PLXDC1: variants seen among roughly 807,000 people sequenced by gnomAD.
PLXDC1 encodes the protein plexin domain containing 1.
PLXDC1 carries 39 observed loss-of-function variants against 61.3 expected under a neutral mutation model. That is an observed-to-expected ratio of 0.64 (90% confidence interval 0.49 to 0.83). The LOEUF is 0.83. PLXDC1 is among the 40% of genes least tolerant of loss of function. PLXDC1 has a pLI of 0.00. For missense variants in PLXDC1, 596 were observed against 666.5 expected, an observed-to-expected ratio of 0.89 and a Z score of 1.17; for synonymous variants, 212 against 254.5, an observed-to-expected ratio of 0.83 and a Z score of 1.59.
At chr17:39,137,053 C>T (rs1474040949) in intron 2 of PLXDC1, among the ~76,000 whole-genome samples, 1 of 152,172 alleles carries the variant, frequency 6.6e-6, no homozygotes, top group East Asian at 1.9e-4. Flanking sequence ...AGTCCCCCAA[C>T]GTCCAGCATG....
rs1022855468 is a variant in PLXDC1 at position 39,132,543 on chromosome 17, C to T, written c.255+7111G>A. 7.2e-5 allele frequency among the ~76,000 whole-genome samples: 11 copies of T among 152,302 alleles called. No individual in the cohort carries two copies. The East Asian group carries it at 1.7e-3, about 24-fold the overall frequency. On this transcript the variant is annotated intron_variant, in intron 2 of 13. Coordinates refer to ENST00000315392, the MANE Select transcript of PLXDC1 (RefSeq NM_020405.5). ...AGGAGATGGTTCTGACCAGGGTCCT[C>T]GGAGCTGCCAGCTCACCCTGGGACT...
At chr17:39,071,645 A>G (rs1909121735) in intron 12 of PLXDC1, among the ~76,000 whole-genome samples, 1 of 152,072 alleles carries the variant, frequency 6.6e-6, no homozygotes, top group African/African-American at 2.4e-5. Flanking sequence ...TTGATGATGA[A>G]GGCTTCTGCT....
At chr17:39,101,117 G>A (rs1321596681) in intron 7 of PLXDC1, among the ~76,000 whole-genome samples, 3 of 152,186 alleles carry the variant, frequency 2.0e-5, no homozygotes, top group Non-Finnish European at 4.4e-5. Context: ...TGCTGTCGCC[G>A]CTTGTGTGCA....
At chr17:39,134,099 T>C (rs1443147206) in intron 2 of PLXDC1, among the ~76,000 whole-genome samples, 1 of 151,476 alleles carries the variant, frequency 6.6e-6, no homozygotes, top group Non-Finnish European at 1.5e-5. Context: ...CTACTAAAAA[T>C]ACAAAATAGC....
chr17:39,131,361 T>C (rs1281616546), intron 2 of PLXDC1, among the ~76,000 whole-genome samples: 7 of 151,400 alleles, frequency 4.6e-5, no homozygotes, highest in African/African-American at 1.5e-4. Context: ...TTTCTTTTCT[T>C]TTTTTTTTAG....
At chr17:39,087,726 G>A in intron 7 of PLXDC1, 24 bp from the exon 8 acceptor site, 2 of 1,564,940 alleles carry the variant, frequency 1.3e-6, no homozygotes, top group South Asian at 1.1e-5. Context: ...AGAGCCTGTT[G>A]TCAGGAGCAT....
At chr17:39,110,228 C>CAT (rs1424240530) in intron 2 of PLXDC1, among the ~76,000 whole-genome samples, 1 of 152,084 alleles carries the variant, frequency 6.6e-6, no homozygotes, top group African/African-American at 2.4e-5. Flanking sequence ...CTTATATAAA[C>CAT]AGAGGAGCAG....
chr17:39,131,565 C>A (rs566562588), intron 2 of PLXDC1, among the ~76,000 whole-genome samples: 10 of 152,168 alleles, frequency 6.6e-5, no homozygotes, highest in East Asian at 1.9e-4. Flanking sequence ...GTTAGCCAGG[C>A]TGGTCTTGAA....
At chr17:39,133,651 C>A (rs1273330292) in intron 2 of PLXDC1, among the ~76,000 whole-genome samples, 1 of 152,140 alleles carries the variant, frequency 6.6e-6, no homozygotes, top group Non-Finnish European at 1.5e-5. Context: ...CTGGGTCTTG[C>A]TCTGTCACCC....
At chr17:39,099,135 A>G (rs1463832183) in intron 7 of PLXDC1, among the ~76,000 whole-genome samples, 1 of 151,810 alleles carries the variant, frequency 6.6e-6, no homozygotes, top group Non-Finnish European at 1.5e-5. Flanking sequence ...CAGCACCTGG[A>G]GTCAGACTCC....
At chr17:39,102,730 ACACACACACACT>A (rs1265265191) in intron 7 of PLXDC1, among the ~76,000 whole-genome samples, 3 of 127,116 alleles carry the variant, frequency 2.4e-5, no homozygotes, top group Admixed American at 7.4e-5. Flanking sequence ...ACACACACAC[ACACACACACACT>A]CACTCACCTG....
At chr17:39,097,155 A>G (rs574002415) in intron 7 of PLXDC1, among the ~76,000 whole-genome samples, 2 of 152,150 alleles carry the variant, frequency 1.3e-5, no homozygotes, top group Non-Finnish European at 2.9e-5. Context: ...TTCCCCAGAC[A>G]GGGTTCAGTG....
Position 39,133,518 on chromosome 17 carries a change from G to T in PLXDC1, c.255+6136C>A, listed in dbSNP as rs571661267. On this transcript the variant is annotated intron_variant, in intron 2 of 13. Transcript: ENST00000315392. The stretch of plus-strand genomic sequence containing the variant: ...GGATGTCGAAAACCCTACTTCCTTT[G>T]TTCATTCAAAGGAGTGCTTGTCATG... Among the ~76,000 whole-genome samples, 3 of 152,240 alleles carry T rather than the reference G, an allele frequency of 2.0e-5. No homozygotes were observed. In the East Asian group the frequency reaches 5.8e-4, roughly 29 times the overall value.
Position 39,140,327 on chromosome 17 carries a change from A to G in PLXDC1, c.77-495T>C, listed in dbSNP as rs919945146. Among the ~76,000 whole-genome samples the G allele has an allele frequency of 6.2e-5, 8 of 128,860 alleles. No individual in the cohort carries two copies. In the East Asian group the frequency reaches 2.0e-3, roughly 32 times the overall value. 84.5% of individuals were successfully genotyped at this position (128,860 alleles called of 152,430 possible). A position where few individuals can be genotyped will look rare whatever the true frequency, so the allele number is the denominator to read the frequency against. On this transcript the variant is annotated intron_variant, in intron 1 of 13. Transcript: ENST00000315392. ...TTCTTTTTCTTTTTCTTTTTTTGAA[A>G]TGGAGTCTCGCTCTGTCACCCAGGC...
chr17:39,111,559 A>G (rs1910802732), intron 2 of PLXDC1, among the ~76,000 whole-genome samples: 1 of 152,156 alleles, frequency 6.6e-6, no homozygotes, highest in African/African-American at 2.4e-5. Flanking sequence ...TGCTGGGATT[A>G]CAGGTGTGAG....
intron 2 of PLXDC1, among the ~76,000 whole-genome samples, chr17:39,128,097 G>GTGTATATATATATATATATATA (rs1911379292): frequency 1.9e-4 from 13 of 67,498 alleles, no homozygotes; most frequent in Admixed American, 3.0e-4. Context: ...CTCTCTATGT[G>GTGTATATATATATATATATATA]TATATATATA....
intron 2 of PLXDC1, among the ~76,000 whole-genome samples, chr17:39,138,407 T>C (rs941731619): frequency 5.3e-5 from 8 of 152,198 alleles, no homozygotes; most frequent in African/African-American, 1.9e-4. Flanking sequence ...GTGAACACTA[T>C]GTACATGATC....
chr17:39,079,695 G>A (rs1909481000), intron 9 of PLXDC1: 1 of 381,798 alleles, frequency 2.6e-6, no homozygotes, highest in Non-Finnish European at 5.3e-6. Flanking sequence ...CAGCTGGGCT[G>A]GAAGACACCA....
chr17:39,092,476 T>A (rs1598192694), intron 7 of PLXDC1, among the ~76,000 whole-genome samples: 2 of 152,240 alleles, frequency 1.3e-5, no homozygotes, highest in African/African-American at 4.8e-5. Context: ...GCACATTTGT[T>A]GACTCCTTCA....
Sources: allele counts gnomAD v4.1 joint callset (sites outside exome capture counted in the v4.1 genomes callset), GRCh38; gene constraint gnomAD v4.1.1; transcripts MANE v1.5; gene names NCBI Gene and HGNC (gene_info 2026-07-23, HGNC 2026-07-21).